TRMT11: variants seen among roughly 807,000 people sequenced by gnomAD.
The protein encoded by TRMT11 is tRNA methyltransferase 11, also known as tRNA (guanine(10)-N(2))-methyltransferase TRMT11.
A neutral mutation model predicts 62.8 loss-of-function variants in TRMT11; 53 were observed. The observed-to-expected ratio is 0.84, with a 90% CI of 0.68 to 1.06. TRMT11 has a LOEUF of 1.06. Ranked by LOEUF, TRMT11 falls within the 50% of genes least tolerant of loss-of-function variation. The pLI is 0.00. For synonymous variants in TRMT11, 188 were observed against 190.3 expected (o/e 0.99, Z 0.10); for missense variants, 556 against 553.4 (o/e 1.00, Z -0.05).
chr6:126,001,698 C>T (rs896547421), intron 7 of TRMT11, among the ~76,000 whole-genome samples: 1 of 152,046 alleles, frequency 6.6e-6, no homozygotes, highest in Non-Finnish European at 1.5e-5. Context: ...AGTCTCCTCT[C>T]ACCACTCAGG....
the TRMT11 span, among the ~76,000 whole-genome samples, chr6:126,254,569 G>A: frequency 2.0e-5 from 3 of 151,992 alleles, no homozygotes; most frequent in Non-Finnish European, 4.4e-5. Context: ...GTGTAAAATC[G>A]GTTGGCCCCA....
downstream of TRMT11, among the ~76,000 whole-genome samples, chr6:126,203,817 A>G (rs773361328): frequency 3.3e-5 from 5 of 152,206 alleles, no homozygotes; most frequent in Non-Finnish European, 5.9e-5. Flanking sequence ...ATATTAGAAT[A>G]TTCTGTGTAT....
chr6:126,067,968 T>A (rs890706261), intron 17 of TRMT11, among the ~76,000 whole-genome samples: 1 of 152,238 alleles, frequency 6.6e-6, no homozygotes, highest in Non-Finnish European at 1.5e-5. Context: ...ATTTAAAATG[T>A]ACAACTCTTT....
At chr6:126,015,881 T>C (rs1041549184) in intron 11 of TRMT11, among the ~76,000 whole-genome samples, 2 of 152,204 alleles carry the variant, frequency 1.3e-5, no homozygotes, top group Admixed American at 6.5e-5. Flanking sequence ...GTTTCTTCTA[T>C]GACCAGAATG....
chr6:126,048,339 C>G (rs1186166006), intron 16 of TRMT11, among the ~76,000 whole-genome samples: 3 of 152,186 alleles, frequency 2.0e-5, no homozygotes, highest in Non-Finnish European at 2.9e-5. Context: ...AAAGCTCTGA[C>G]CAATACCCTC....
intron 11 of TRMT11, 60 bp downstream of exon 11, chr6:126,013,161 A>G (rs1035831733): frequency 8.9e-5 from 132 of 1,476,938 alleles, no homozygotes; most frequent in Non-Finnish European, 1.1e-4. Context: ...CGTATCTAGT[A>G]TAATTTTCTC....
chr6:125,989,102 A>G (rs2128727250), intron 1 of TRMT11, among the ~76,000 whole-genome samples: 1 of 145,320 alleles, frequency 6.9e-6, no homozygotes, highest in Non-Finnish European at 1.5e-5. Context: ...ATGTTTTGAC[A>G]CCATTCTAAG....
intron 7 of TRMT11, among the ~76,000 whole-genome samples, chr6:126,004,712 T>C (rs931917493): frequency 6.6e-6 from 1 of 152,106 alleles, no homozygotes; most frequent in Non-Finnish European, 1.5e-5. Context: ...ATCCCCTTTT[T>C]ATTTTAAAGG....
chr6:126,110,562 A>C (rs1777519426), intron 17 of TRMT11, among the ~76,000 whole-genome samples: 1 of 152,100 alleles, frequency 6.6e-6, no homozygotes, highest in Admixed American at 6.6e-5. Flanking sequence ...CTATTCATTT[A>C]ATTTAAGCAA....
chr6:126,050,153 A>G (rs1776172127), intron 16 of TRMT11, among the ~76,000 whole-genome samples: 1 of 151,908 alleles, frequency 6.6e-6, no homozygotes, highest in Admixed American at 6.6e-5. Context: ...ACATGATGAA[A>G]CACCATCTCT....
At chr6:126,255,123 C>G in the TRMT11 span, among the ~76,000 whole-genome samples, 1 of 152,082 alleles carries the variant, frequency 6.6e-6, no homozygotes, top group Non-Finnish European at 1.5e-5. Context: ...TCCCAAATAG[C>G]CACTAATATG....
chr6:126,151,495 T>G (rs1693487146), intron 21 of TRMT11, among the ~76,000 whole-genome samples: 2 of 152,154 alleles, frequency 1.3e-5, no homozygotes, highest in Admixed American at 1.3e-4. Flanking sequence ...CATAAAATTG[T>G]TAATTTCCTT....
At chr6:126,019,453 T>G (rs535486426) in intron 11 of TRMT11, among the ~76,000 whole-genome samples, 1 of 152,164 alleles carries the variant, frequency 6.6e-6, no homozygotes, top group Non-Finnish European at 1.5e-5. Context: ...GCTTTTTGGG[T>G]TTTATAGTTA....
chr6:125,990,872 T>C (rs1790498776), intron 1 of TRMT11, among the ~76,000 whole-genome samples: 1 of 152,216 alleles, frequency 6.6e-6, no homozygotes, highest in African/African-American at 2.4e-5. Flanking sequence ...TTGTTGGTTC[T>C]ACTAGACCAT....
chr6:126,133,318 A>G (rs893558357), intron 21 of TRMT11, among the ~76,000 whole-genome samples: 8 of 152,026 alleles, frequency 5.3e-5, no homozygotes, highest in African/African-American at 1.9e-4. Flanking sequence ...CCAAAATACC[A>G]TCTTTAGTGT....
intron 12 of TRMT11, among the ~76,000 whole-genome samples, chr6:126,033,655 G>A (rs553698259): frequency 1.3e-5 from 2 of 152,262 alleles, no homozygotes; most frequent in East Asian, 3.9e-4. Context: ...AGGCCAGCCT[G>A]GTCATGTTGG....
intron 17 of TRMT11, among the ~76,000 whole-genome samples, chr6:126,110,845 C>T (rs1162264383): frequency 1.3e-5 from 2 of 152,110 alleles, no homozygotes; most frequent in Non-Finnish European, 1.5e-5. Flanking sequence ...CTATAGTCCC[C>T]TGGACAGACC....
At chr6:126,066,101 A>C (rs1019181989) in intron 17 of TRMT11, among the ~76,000 whole-genome samples, 3 of 152,224 alleles carry the variant, frequency 2.0e-5, no homozygotes, top group African/African-American at 7.2e-5. Flanking sequence ...GCAATGATCA[A>C]GGCTGGATTG....
At chr6:126,129,990 C>T (rs924263157) in intron 21 of TRMT11, among the ~76,000 whole-genome samples, 1 of 152,056 alleles carries the variant, frequency 6.6e-6, no homozygotes, top group Non-Finnish European at 1.5e-5. Context: ...GATGGAGACA[C>T]CTGGTGCATA....
Sources: gnomAD v4.1 joint callset for allele counts (sites outside exome capture counted in the v4.1 genomes callset) on GRCh38, gnomAD v4.1.1 for gene constraint, MANE v1.5 for transcripts, NCBI Gene and HGNC (gene_info 2026-07-23, HGNC 2026-07-21) for gene names.